The following XRCC4 variants were observed in gnomAD, a reference collection of about 807,000 sequenced individuals.
XRCC4 encodes the protein DNA repair protein XRCC4.
In XRCC4, 28 loss-of-function variants were observed where a neutral mutation model predicts 39.1. The observed-to-expected ratio is 0.72, with a 90% CI of 0.53 to 0.98. The LOEUF (loss-of-function observed/expected upper bound fraction) is 0.98. Among genes scored for constraint, XRCC4 ranks in the 50% least tolerant of loss-of-function variants. The pLI, the probability that XRCC4 is intolerant of heterozygous loss-of-function variation, is 0.00. For synonymous variants in XRCC4, 123 were observed against 126.4 expected, an observed-to-expected ratio of 0.97 and a Z score of 0.18; for missense variants, 350 against 376.4, an observed-to-expected ratio of 0.93 and a Z score of 0.58.
intron 6 of XRCC4, among the ~76,000 whole-genome samples, chr5:83,252,051 C>T (rs1472857376): frequency 1.3e-5 from 2 of 152,194 alleles, no homozygotes; most frequent in East Asian, 3.8e-4. Context: ...AGATAGGTAA[C>T]TTTGAGATAC....
At chr5:83,326,933 GCT>G (rs1756282396) in intron 7 of XRCC4, among the ~76,000 whole-genome samples, 1 of 151,984 alleles carries the variant, frequency 6.6e-6, no homozygotes, top group Admixed American at 6.6e-5. Context: ...TAAAAAAATT[GCT>G]TTTTTACACC....
chr5:83,204,700 T>C, intron 5 of XRCC4, 115 bp from the exon 6 acceptor site: 1 of 630,834 alleles, frequency 1.6e-6, no homozygotes, highest in Non-Finnish European at 2.6e-6. Flanking sequence ...TTTCAATATG[T>C]TTGTCTAATT....
chr5:83,130,839 A>T (rs1676313971), intron 3 of XRCC4, among the ~76,000 whole-genome samples: 1 of 151,716 alleles, frequency 6.6e-6, no homozygotes, highest in South Asian at 2.1e-4. Context: ...TTTTTATTGC[A>T]TCTATTTGAT....
At chr5:83,123,124 A>G (rs1266583620) in intron 3 of XRCC4, among the ~76,000 whole-genome samples, 1 of 152,130 alleles carries the variant, frequency 6.6e-6, no homozygotes, top group Non-Finnish European at 1.5e-5. Context: ...AAAGTGACTG[A>G]TAATGTATTA....
chr5:83,235,028 G>T (rs1175403520), intron 6 of XRCC4, among the ~76,000 whole-genome samples: 1 of 151,400 alleles, frequency 6.6e-6, no homozygotes, highest in African/African-American at 2.4e-5. Context: ...AGTGGCATTG[G>T]TAATGGTAAA....
At chr5:83,262,949 C>T (rs1162151114) in intron 7 of XRCC4, among the ~76,000 whole-genome samples, 7 of 146,592 alleles carry the variant, frequency 4.8e-5, no homozygotes, top group East Asian at 4.2e-4. Context: ...CCCACTAACT[C>T]GTCATCTAGC....
chr5:83,295,716 G>GCACGCA (rs112455288), intron 7 of XRCC4, among the ~76,000 whole-genome samples: 10,489 of 151,738 alleles, frequency 0.069, 518 homozygotes, highest in South Asian at 0.15. Flanking sequence ...ACACACACAT[G>GCACGCA]CACGCACACG....
chr5:83,288,636 T>A (rs1175551996), intron 7 of XRCC4, among the ~76,000 whole-genome samples: 4 of 151,924 alleles, frequency 2.6e-5, no homozygotes, highest in Non-Finnish European at 5.9e-5. Flanking sequence ...ACATGGCTTC[T>A]GATGTCCACT....
At chr5:83,173,509 C>T (rs532314368) in intron 3 of XRCC4, among the ~76,000 whole-genome samples, 1 of 152,202 alleles carries the variant, frequency 6.6e-6, no homozygotes, top group South Asian at 2.1e-4. Context: ...TATTCAACTT[C>T]AAGAAGTCTT....
At chr5:83,109,996 G>A (rs1224242316) in intron 2 of XRCC4, among the ~76,000 whole-genome samples, 1 of 152,016 alleles carries the variant, frequency 6.6e-6, no homozygotes, top group Non-Finnish European at 1.5e-5. Context: ...CCTGTGTTAT[G>A]TGTGGATGGG....
rs564567062 is a variant in XRCC4, at chr5:83,171,670, A to C, written c.316-24100A>C. ...CCGTACCTACCTGTCCTCTGAAGAT[A>C]CTTGACTTTGTAAGCCCTAGCCTGG... On this transcript the variant is annotated intron_variant, in intron 3 of 7. Coordinates refer to ENST00000396027, the MANE Select transcript of XRCC4 (RefSeq NM_003401.5). Among the ~76,000 whole-genome samples, 328 of 152,250 alleles carry C rather than the reference A, an allele frequency of 2.2e-3. 2 individuals are homozygous for C. The highest frequency in any genetic ancestry group is 3.3e-3 in the Non-Finnish European group (224 of 68,006).
the XRCC4 span, among the ~76,000 whole-genome samples, chr5:83,363,821 T>C: frequency 6.6e-6 from 1 of 152,354 alleles, no homozygotes; most frequent in South Asian, 2.1e-4. Context: ...TGCTTTGACA[T>C]CTTTATTTCC....
chr5:83,296,863 T>G (rs531040834), intron 7 of XRCC4, among the ~76,000 whole-genome samples: 1 of 151,836 alleles, frequency 6.6e-6, no homozygotes, highest in Non-Finnish European at 1.5e-5. Flanking sequence ...TATTTGAGTC[T>G]AAACAGAATA....
intron 3 of XRCC4, among the ~76,000 whole-genome samples, chr5:83,127,202 G>A (rs761688842): frequency 2.0e-5 from 3 of 152,066 alleles, no homozygotes; most frequent in Non-Finnish European, 4.4e-5. Flanking sequence ...GGCTAGGGGT[G>A]GAATACTATG....
chr5:83,169,082 C>A (rs1749613951), intron 3 of XRCC4, among the ~76,000 whole-genome samples: 1 of 152,058 alleles, frequency 6.6e-6, no homozygotes, highest in Non-Finnish European at 1.5e-5. Flanking sequence ...CTGATGTGCT[C>A]AATCATTTTC....
intron 3 of XRCC4, among the ~76,000 whole-genome samples, chr5:83,175,103 C>T (rs1034029208): frequency 6.6e-6 from 1 of 152,068 alleles, no homozygotes; most frequent in Non-Finnish European, 1.5e-5. Flanking sequence ...CTCATATATT[C>T]CTTATATTAG....
the XRCC4 span, among the ~76,000 whole-genome samples, chr5:83,371,126 ACTCTT>A: frequency 9.7e-4 from 147 of 151,424 alleles, no homozygotes; most frequent in African/African-American, 3.4e-3. Flanking sequence ...CCTTTCATCC[ACTCTT>A]CTCTTTGTCT....
intron 7 of XRCC4, 102 bp downstream of exon 7, chr5:83,258,779 T>A: frequency 7.6e-7 from 1 of 1,323,454 alleles, no homozygotes; most frequent in Non-Finnish European, 1.0e-6. Flanking sequence ...TTTAAAGTTA[T>A]TTTTAAGAAA....
At chr5:83,205,005 ATGT>A in intron 6 of XRCC4, 84 bp downstream of exon 6, 6 of 963,888 alleles carry the variant, frequency 6.2e-6, no homozygotes, top group Non-Finnish European at 9.2e-6. Flanking sequence ...TAATGGAAAA[ATGT>A]TGTGAAAGAC....
Sources: gnomAD v4.1 joint callset for allele counts (sites outside exome capture counted in the v4.1 genomes callset) on GRCh38, gnomAD v4.1.1 for gene constraint, MANE v1.5 for transcripts, NCBI Gene and HGNC (gene_info 2026-07-23, HGNC 2026-07-21) for gene names.